Variants in CLYBL observed in about 807,000 individuals in gnomAD.
The protein encoded by CLYBL is citramalyl-CoA lyase, mitochondrial.
CLYBL carries 31 observed loss-of-function variants against 38.9 expected under a neutral mutation model. The ratio of observed to expected loss-of-function variants is 0.80; its 90% CI spans 0.60 to 1.08. The LOEUF (loss-of-function observed/expected upper bound fraction) is 1.08. CLYBL is among the 50% of genes least tolerant of loss of function. The probability of loss-of-function intolerance (pLI) is 0.00; values close to 1 mark genes in which losing one functional copy is unlikely to be tolerated. For missense variants in CLYBL, 434 were observed against 411.6 expected (o/e 1.05, Z -0.47); for synonymous variants, 171 against 158.6 (o/e 1.08, Z -0.59).
intron 2 of CLYBL, among the ~76,000 whole-genome samples, chr13:99,822,169 C>A (rs148080822): frequency 9.2e-5 from 14 of 152,280 alleles, no homozygotes; most frequent in African/African-American, 2.2e-4. Flanking sequence ...TGCCAATGGG[C>A]CAATATACAT....
At chr13:99,697,463 G>A (rs1350315859) in intron 1 of CLYBL, among the ~76,000 whole-genome samples, 1 of 152,038 alleles carries the variant, frequency 6.6e-6, no homozygotes, top group East Asian at 1.9e-4. Flanking sequence ...TGCAACCTCT[G>A]CCTCCCAGGT....
exon 10 of CLYBL, among the ~76,000 whole-genome samples, chr13:99,909,076 C>T (rs1426379545): frequency 6.6e-6 from 1 of 152,186 alleles, no homozygotes. Flanking sequence ...GGTACCTAGA[C>T]ATAGCGGAAC....
intron 1 of CLYBL, among the ~76,000 whole-genome samples, chr13:99,731,593 G>A (rs1055956675): frequency 6.6e-6 from 1 of 152,044 alleles, no homozygotes; most frequent in African/African-American, 2.4e-5. Context: ...ATTGGCCACT[G>A]TTTAAGCTGT....
intron 1 of CLYBL, among the ~76,000 whole-genome samples, chr13:99,744,543 G>A (rs900043420): frequency 3.3e-5 from 5 of 152,264 alleles, no homozygotes; most frequent in Admixed American, 2.6e-4. Flanking sequence ...GTTTTGGGAT[G>A]TGCCACCCCA....
At chr13:99,665,821 A>G (rs1369385555) in intron 1 of CLYBL, among the ~76,000 whole-genome samples, 1 of 152,242 alleles carries the variant, frequency 6.6e-6, no homozygotes, top group East Asian at 1.9e-4. Flanking sequence ...TTCATGTTAG[A>G]TAAAACAGAT....
intron 1 of CLYBL, among the ~76,000 whole-genome samples, chr13:99,634,759 A>C (rs974808105): frequency 2.0e-5 from 3 of 152,320 alleles, no homozygotes; most frequent in East Asian, 3.9e-4. Flanking sequence ...TCTCCCTTGT[A>C]AGGAATATGA....
At chr13:99,648,813 G>T (rs1354539742) in intron 1 of CLYBL, among the ~76,000 whole-genome samples, 1 of 151,976 alleles carries the variant, frequency 6.6e-6, no homozygotes, top group African/African-American at 2.4e-5. Flanking sequence ...ACACATCAAG[G>T]TATCATTTTT....
intron 1 of CLYBL, among the ~76,000 whole-genome samples, chr13:99,629,470 G>A (rs1027779545): frequency 9.9e-5 from 15 of 152,150 alleles, no homozygotes; most frequent in Admixed American, 3.9e-4. Context: ...TCTGGGCAGC[G>A]CTCTCCCTGC....
intron 1 of CLYBL, among the ~76,000 whole-genome samples, chr13:99,667,137 ATGTGGGGCTT>A (rs1316342709): frequency 6.7e-6 from 1 of 149,136 alleles, no homozygotes; most frequent in Non-Finnish European, 1.5e-5. Flanking sequence ...CTTTTGGAAG[ATGTGGGGCTT>A]TGGGGGTCTT....
chr13:99,682,890 C>T (rs1303177995), intron 1 of CLYBL, among the ~76,000 whole-genome samples: 1 of 151,634 alleles, frequency 6.6e-6, no homozygotes, highest in Non-Finnish European at 1.5e-5. Flanking sequence ...GCACCTGTCA[C>T]CACGCCCGGC....
intron 2 of CLYBL, among the ~76,000 whole-genome samples, chr13:99,819,140 G>A (rs2050521804): frequency 6.6e-6 from 1 of 151,736 alleles, no homozygotes; most frequent in East Asian, 1.9e-4. Flanking sequence ...GAGGCCAGGA[G>A]TTTGAAACCA....
intron 2 of CLYBL, among the ~76,000 whole-genome samples, chr13:99,836,832 T>A (rs556737464): frequency 2.8e-4 from 42 of 151,892 alleles, no homozygotes; most frequent in Non-Finnish European, 5.7e-4. Flanking sequence ...TAGGTGGGAA[T>A]TGAACAATGA....
rs530568311 is a variant in CLYBL, at chr13:99,743,785, AAAATTGTAAT to A, written c.63-29018_63-29009del. On this transcript the variant is annotated intron_variant, in intron 1 of 8. Coordinates refer to ENST00000339105, the MANE Select transcript of CLYBL (RefSeq NM_206808.5). Reference sequence around the variant, plus strand: ...TATTTTGTAATTTAATTGTAATTACAAAATTGTAATAAATTGTAATAAATTGTAATTACAA... The same window carrying A: ...TATTTTGTAATTTAATTGTAATTACAAAATTGTAATAAATTGTAATTACAA... 5.8e-4 allele frequency among the ~76,000 whole-genome samples: 89 copies of A among 152,332 alleles called. No homozygotes were observed. The South Asian group carries it at 9.7e-3, about 17-fold the overall frequency.
At chr13:99,773,820 A>G (rs141965684) in intron 2 of CLYBL, among the ~76,000 whole-genome samples, 41 of 152,286 alleles carry the variant, frequency 2.7e-4, no homozygotes, top group African/African-American at 9.9e-4. Flanking sequence ...TTTCATGGAT[A>G]AATCACCATT....
At position 99,866,273 on chromosome 13, in the gene CLYBL, T is replaced by C. The variant is rs1297784357; in HGVS notation, c.668T>C (p.Leu223Pro). The change falls in exon 6 of 9, where the codon CTC (leucine) becomes CCC (proline). Residue 223 changes from leucine to proline, a missense_variant. Coordinates refer to ENST00000339105, the MANE Select transcript of CLYBL (RefSeq NM_206808.5). Reference sequence around the variant, plus strand: ...AGTAGTAAAGAAACCCTGGATATTCTCTACGCCCGGCAAAAGATTGTTGTC... The same window carrying C: ...AGTAGTAAAGAAACCCTGGATATTCCCTACGCCCGGCAAAAGATTGTTGTC... ...ATSSKETLDILYARQKIVVIA... is the reference protein window; with the variant it reads ...ATSSKETLDIPYARQKIVVIA... 6.2e-7 allele frequency: 1 copy of C among 1,614,024 alleles called. No homozygotes were observed.
At chr13:99,749,188 A>AG (rs2048910329) in intron 1 of CLYBL, among the ~76,000 whole-genome samples, 1 of 152,096 alleles carries the variant, frequency 6.6e-6, no homozygotes, top group Non-Finnish European at 1.5e-5. Context: ...TCAAAAAAAA[A>AG]AAAAGAAAAG....
In CLYBL at chr13:99,699,661, C is replaced by G. The variant is rs960037775; in HGVS notation, c.63-73163C>G. Among the ~76,000 whole-genome samples the G allele has an allele frequency of 4.0e-5, 6 of 150,592 alleles. No homozygotes were observed. In the Admixed American group the frequency reaches 4.0e-4, roughly 10 times the overall value. On this transcript the variant is annotated intron_variant, in intron 1 of 8. Coordinates refer to ENST00000339105, the MANE Select transcript of CLYBL (RefSeq NM_206808.5). ...TGAGCCGAGATCGCGCCACCGTACT[C>G]CAGCCTGGGTGACAGACCAAGACTC...
intron 2 of CLYBL, among the ~76,000 whole-genome samples, chr13:99,856,449 A>G (rs1475230114): frequency 6.6e-6 from 1 of 152,210 alleles, no homozygotes; most frequent in African/African-American, 2.4e-5. Context: ...ATACTGTCCC[A>G]GTAGACTCTT....
chr13:99,855,579 TAC>T (rs2051440115), intron 2 of CLYBL, among the ~76,000 whole-genome samples: 1 of 152,104 alleles, frequency 6.6e-6, no homozygotes, highest in African/African-American at 2.4e-5. Flanking sequence ...TAGCAAGAAG[TAC>T]AGTGTGTGTG....
Sources: allele counts gnomAD v4.1 joint callset (sites outside exome capture counted in the v4.1 genomes callset), GRCh38; gene constraint gnomAD v4.1.1; transcripts MANE v1.5; gene names NCBI Gene and HGNC (gene_info 2026-07-23, HGNC 2026-07-21).